TRPC6: variants seen among roughly 807,000 people sequenced by gnomAD.
The protein encoded by TRPC6 is transient receptor potential cation channel subfamily C member 6.
A neutral mutation model predicts 90.7 loss-of-function variants in TRPC6; 55 were observed. The observed-to-expected ratio is 0.61, with a 90% CI of 0.49 to 0.76. The LOEUF (loss-of-function observed/expected upper bound fraction) is 0.76. TRPC6 is among the 30% of genes least tolerant of loss of function. The probability of loss-of-function intolerance (pLI) is 0.00; values close to 1 mark genes in which losing one functional copy is unlikely to be tolerated. For synonymous variants in TRPC6, 393 were observed against 393.0 expected, an observed-to-expected ratio of 1.00 and a Z score of 0.00; for missense variants, 989 against 1,122.7, an observed-to-expected ratio of 0.88 and a Z score of 1.70.
chr11:101,452,969 C>G lies in TRPC6; in HGVS notation c.2782G>C (p.Glu928Gln). 6.2e-7 allele frequency: 1 copy of G among 1,613,804 alleles called. No homozygotes were observed. The highest frequency in any genetic ancestry group is 2.2e-5 in the East Asian group (1 of 44,848). Residue 928 changes from glutamate (E) to glutamine (Q), a missense_variant, in exon 13 of 13, where the codon GAA becomes CAA. Around this residue, in one of 4 missense-constraint regions of TRPC6, gnomAD observed 191 missense variants for 196.7 expected, o/e 0.97. Coordinates refer to ENST00000344327, the MANE Select transcript of TRPC6 (RefSeq NM_004621.6). ...AAGTCTTCGCATTATCTATTGGTTT[C>G]CTCTTGATTTGGTTCCATGGATAAT... ...EKLSMEPNQE[E>Q]TNR
intron 1 of TRPC6, among the ~76,000 whole-genome samples, chr11:101,544,746 G>A (rs1369597610): frequency 6.6e-6 from 1 of 152,118 alleles, no homozygotes. Context: ...GCGGGCTAGG[G>A]GAGGGATAGC....
chr11:101,472,879 T>C (rs1002901478), intron 7 of TRPC6, among the ~76,000 whole-genome samples: 6 of 152,116 alleles, frequency 3.9e-5, no homozygotes, highest in African/African-American at 1.2e-4. Flanking sequence ...TAGAGAAATA[T>C]GGAAAACAGT....
chr11:101,482,267 G>A (rs1306077401), intron 5 of TRPC6, among the ~76,000 whole-genome samples: 1 of 152,112 alleles, frequency 6.6e-6, no homozygotes, highest in African/African-American at 2.4e-5. Flanking sequence ...AACAGCCACT[G>A]GATTTATTTA....
chr11:101,459,573 T>G (rs1858958094), intron 10 of TRPC6, among the ~76,000 whole-genome samples: 1 of 152,178 alleles, frequency 6.6e-6, no homozygotes, highest in Non-Finnish European at 1.5e-5. Context: ...TAATATACAT[T>G]TTGCTGATGG....
Position 101,473,733 on chromosome 11 carries a change from A to G in TRPC6, c.1785T>C (p.Ser595=). Residue 595 remains serine, a synonymous_variant, in exon 7 of 13, where the codon TCT becomes TCC. Transcript: ENST00000344327. ...CTACAGCAATTGCATAAAGACCTTC[A>G]GATATTATTTGAGGATCAGAGGGGT... is the stretch of plus-strand genomic sequence containing the variant. ...KWDPSDPQII[S]EGLYAIAVVL... is the part of the protein sequence containing the mutation. The G allele has an allele frequency of 6.2e-7, 1 of 1,613,788 alleles. No individual in the cohort carries two copies. Among genetic ancestry groups the G allele is most frequent in the South Asian group, 1.1e-5 (1 of 91,078 alleles).
chr11:101,475,675 T>C (rs530152040), intron 6 of TRPC6, among the ~76,000 whole-genome samples: 304 of 138,574 alleles, frequency 2.2e-3, no homozygotes, highest in African/African-American at 9.8e-3. Flanking sequence ...TACCTTCTAC[T>C]TCTTTGAGTT....
At chr11:101,496,394 T>C (rs1202032731) in intron 2 of TRPC6, among the ~76,000 whole-genome samples, 1 of 152,226 alleles carries the variant, frequency 6.6e-6, no homozygotes, top group Admixed American at 6.5e-5. Context: ...GATGGCACAC[T>C]GATCATGGAG....
chr11:101,523,800 T>C, intron 1 of TRPC6, among the ~76,000 whole-genome samples: 1 of 152,236 alleles, frequency 6.6e-6, no homozygotes, highest in East Asian at 1.9e-4. Flanking sequence ...TTAATGCATG[T>C]ACATACAAGT....
At position 101,452,065 on chromosome 11, in the gene TRPC6, C is replaced by T. The variant is rs529680200; in HGVS notation, c.*890G>A. On this transcript the variant is annotated 3_prime_UTR_variant, in exon 13 of 13. Coordinates refer to ENST00000344327, the MANE Select transcript of TRPC6 (RefSeq NM_004621.6). ...TCAATGGCTAAGTGTGGGGATTCAT[C>T]TGTAAATGCTCCCAGAAATGGCACA... is the stretch of plus-strand genomic sequence containing the variant. 1 of 152,296 alleles carries T rather than the reference C, an allele frequency of 6.6e-6. No individual in the cohort carries two copies. The highest frequency in any genetic ancestry group is 1.9e-4 in the East Asian group (1 of 5,180). The allele number at this position is 152,296 out of a possible 1,614,324, so 9.4% of individuals were successfully genotyped here.
intron 1 of TRPC6, among the ~76,000 whole-genome samples, chr11:101,516,123 G>C (rs1264879033): frequency 1.1e-5 from 1 of 92,786 alleles, no homozygotes; most frequent in Non-Finnish European, 2.3e-5. Context: ...AAAAAAAAAA[G>C]CAGAGTTTCA....
At chr11:101,581,117 T>C (rs1862187289) in intron 1 of TRPC6, among the ~76,000 whole-genome samples, 1 of 152,210 alleles carries the variant, frequency 6.6e-6, no homozygotes, top group Admixed American at 6.5e-5. Flanking sequence ...TTACATGTAT[T>C]ATAGTACCTC....
rs140681137 is a variant in TRPC6 at position 101,519,073 on chromosome 11, G to A, written c.171-14275C>T. Among the ~76,000 whole-genome samples, 78 of 152,222 alleles carry A rather than the reference G, an allele frequency of 5.1e-4. 1 individual carries two copies. The highest frequency in any genetic ancestry group is 1.8e-3 in the African/African-American group (76 of 41,538). On this transcript the variant is annotated intron_variant, in intron 1 of 12. Coordinates refer to ENST00000344327, the MANE Select transcript of TRPC6 (RefSeq NM_004621.6). ...GTACTGAAGGTTTGGGACGAGTTGG[G>A]GATGGTTAAGGGTACAAAAAAGAAG...
At chr11:101,579,999 C>G (rs528286688) in intron 1 of TRPC6, among the ~76,000 whole-genome samples, 1 of 152,224 alleles carries the variant, frequency 6.6e-6, no homozygotes, top group South Asian at 2.1e-4. Context: ...TTATTTTTCA[C>G]AAAATTGGGA....
chr11:101,500,667 T>C (rs910930238), intron 2 of TRPC6, among the ~76,000 whole-genome samples: 1 of 152,166 alleles, frequency 6.6e-6, no homozygotes, highest in Non-Finnish European at 1.5e-5. Flanking sequence ...TATATGTGTG[T>C]GTTATATGTA....
chr11:101,557,395 C>A (rs1021925725), intron 1 of TRPC6, among the ~76,000 whole-genome samples: 1 of 151,988 alleles, frequency 6.6e-6, no homozygotes, highest in African/African-American at 2.4e-5. Context: ...AAGCCCACAG[C>A]TAACATTATA....
chr11:101,503,116 G>C (rs747744723), intron 2 of TRPC6, among the ~76,000 whole-genome samples: 5 of 152,152 alleles, frequency 3.3e-5, no homozygotes, highest in African/African-American at 4.8e-5. Context: ...TAGAGGATCA[G>C]AACTACCTCA....
At chr11:101,503,740 C>T (rs1358593758) in intron 2 of TRPC6, among the ~76,000 whole-genome samples, 1 of 152,124 alleles carries the variant, frequency 6.6e-6, no homozygotes, top group East Asian at 1.9e-4. Flanking sequence ...CTTTCTATGC[C>T]TTCATTTACC....
intron 1 of TRPC6, among the ~76,000 whole-genome samples, chr11:101,512,668 G>A (rs955989110): frequency 7.2e-5 from 11 of 152,130 alleles, no homozygotes; most frequent in African/African-American, 2.7e-4. Context: ...CTGAGTCCTT[G>A]GGGATCTGAA....
intron 1 of TRPC6, among the ~76,000 whole-genome samples, chr11:101,527,982 A>C (rs1860820177): frequency 6.6e-6 from 1 of 152,114 alleles, no homozygotes; most frequent in Non-Finnish European, 1.5e-5. Context: ...CTGAGGCAGG[A>C]GAATCGCTTG....
Sources: gnomAD v4.1 joint callset for allele counts (sites outside exome capture counted in the v4.1 genomes callset) on GRCh38, gnomAD v4.1.1 for gene constraint, gnomAD v4.1.1 regional missense constraint, MANE v1.5 for transcripts, NCBI Gene and HGNC (gene_info 2026-07-23, HGNC 2026-07-21) for gene names.